ADAM10: variants seen among roughly 807,000 people sequenced by gnomAD.
The protein encoded by ADAM10 is ADAM metallopeptidase domain 10.
ADAM10 carries 17 observed loss-of-function variants against 90.1 expected under a neutral mutation model. The observed-to-expected ratio is 0.19, with a 90% CI of 0.13 to 0.28. The LOEUF (loss-of-function observed/expected upper bound fraction) is 0.28, where lower values mean the gene tolerates loss of function less well. Among genes scored for constraint, ADAM10 ranks in the 10% least tolerant of loss-of-function variants. The pLI is 1.00. For synonymous variants in ADAM10, 310 were observed against 298.6 expected, an observed-to-expected ratio of 1.04 and a Z score of -0.40; for missense variants, 610 against 914.3, an observed-to-expected ratio of 0.67 and a Z score of 4.29.
intron 8 of ADAM10, among the ~76,000 whole-genome samples, chr15:58,636,573 T>C (rs1416714574): frequency 6.6e-6 from 1 of 152,046 alleles, no homozygotes; most frequent in African/African-American, 2.4e-5. Flanking sequence ...ATGAGAAGGG[T>C]GAAACGTTTT....
rs1239340265 is a variant in ADAM10, at chr15:58,588,934, T to A, written c.*8613A>T. 2.0e-5 allele frequency: 3 copies of A among 152,240 alleles called. No homozygotes were observed. The highest frequency in any genetic ancestry group is 7.2e-5 in the African/African-American group (3 of 41,462). 9.4% of individuals were successfully genotyped at this position (152,240 alleles called of 1,614,324 possible). A position where few individuals can be genotyped will look rare whatever the true frequency, so the allele number is the denominator to read the frequency against. ...CCATTTTTGCAAAACATGGTCGGTA[T>A]GTTTCATATTCTATAAATACAGTGC... On this transcript the variant is annotated 3_prime_UTR_variant, in exon 16 of 16. Transcript: ENST00000260408.
intron 7 of ADAM10, among the ~76,000 whole-genome samples, chr15:58,642,040 T>C (rs1896430170): frequency 2.0e-5 from 3 of 152,204 alleles, no homozygotes; most frequent in South Asian, 2.1e-4. Flanking sequence ...CATTTAACAC[T>C]AAAACAATTC....
intron 1 of ADAM10, among the ~76,000 whole-genome samples, chr15:58,735,737 T>C (rs1423331242): frequency 6.6e-6 from 1 of 152,134 alleles, no homozygotes; most frequent in Non-Finnish European, 1.5e-5. Flanking sequence ...ACACAGAGGG[T>C]CAACTGGTAT....
At chr15:58,684,663 T>C (rs1897538431) in intron 2 of ADAM10, among the ~76,000 whole-genome samples, 1 of 152,214 alleles carries the variant, frequency 6.6e-6, no homozygotes, top group East Asian at 1.9e-4. Context: ...GTTGTATCCT[T>C]TATAATAAAC....
chr15:58,672,557 A>G (rs558576260), intron 4 of ADAM10: 2 of 152,152 alleles, frequency 1.3e-5, no homozygotes, highest in African/African-American at 4.8e-5. Flanking sequence ...AAGTTTAGGG[A>G]TCCCAATGTA....
At chr15:58,624,312 A>G (rs985941172) in intron 10 of ADAM10, among the ~76,000 whole-genome samples, 3 of 152,076 alleles carry the variant, frequency 2.0e-5, no homozygotes, top group Non-Finnish European at 2.9e-5. Context: ...AAAAACAAAA[A>G]AAACTAGAAA....
At chr15:58,749,037 C>A (rs1899886654) in intron 1 of ADAM10, 2 of 398,972 alleles carry the variant, frequency 5.0e-6, no homozygotes, top group Admixed American at 8.8e-5. Context: ...CGGGCAGGGG[C>A]TGGGGGAGGA....
chr15:58,713,516 TAA>T (rs1481343511), intron 2 of ADAM10, among the ~76,000 whole-genome samples: 1 of 152,162 alleles, frequency 6.6e-6, no homozygotes, highest in East Asian at 1.9e-4. Context: ...TGCATGTAAA[TAA>T]AGTTATAATA....
At chr15:58,715,019 A>C (rs531320618) in intron 2 of ADAM10, among the ~76,000 whole-genome samples, 19 of 152,360 alleles carry the variant, frequency 1.2e-4, no homozygotes, top group African/African-American at 4.6e-4. Context: ...ATTCTGAGAC[A>C]GAGTGAATAT....
rs187711755 is a variant in ADAM10 at position 58,669,167 on chromosome 15, G to C, written c.485-3970C>G. Among the ~76,000 whole-genome samples the C allele has an allele frequency of 9.9e-5, 15 of 152,206 alleles. 1 individual carries two copies. On this transcript the variant is annotated intron_variant, in intron 4 of 15. Transcript: ENST00000260408. The stretch of plus-strand genomic sequence containing the variant: ...AATGACATAGAACATGCACTCTCAA[G>C]AGCTGTCAGTCTAGCTGAGGTGTCT...
intron 11 of ADAM10, among the ~76,000 whole-genome samples, chr15:58,614,645 T>C (rs1289708984): frequency 6.6e-6 from 1 of 151,978 alleles, no homozygotes; most frequent in African/African-American, 2.4e-5. Context: ...CCAGCAAAAC[T>C]AACCTTCAGA....
At chr15:58,674,298 T>G (rs1897264936) in intron 4 of ADAM10, among the ~76,000 whole-genome samples, 1 of 152,182 alleles carries the variant, frequency 6.6e-6, no homozygotes, top group South Asian at 2.1e-4. Flanking sequence ...GTATCTAACA[T>G]CAATGCTTAG....
intron 14 of ADAM10, among the ~76,000 whole-genome samples, chr15:58,600,287 C>T (rs1421523486): frequency 6.6e-6 from 1 of 152,100 alleles, no homozygotes; most frequent in East Asian, 1.9e-4. Context: ...CTTTCCATGG[C>T]TTAGAAAGCA....
chr15:58,743,217 A>T (rs906242325), intron 1 of ADAM10, among the ~76,000 whole-genome samples: 4 of 152,152 alleles, frequency 2.6e-5, no homozygotes, highest in South Asian at 2.1e-4. Context: ...GGGGGTTCAG[A>T]TTTGAAATCA....
At chr15:58,732,737 AT>A (rs1387837595) in intron 1 of ADAM10, 2 of 153,372 alleles carry the variant, frequency 1.3e-5, no homozygotes, top group Non-Finnish European at 2.9e-5. Flanking sequence ...AGTGAGCTTA[AT>A]GTGATAAATC....
chr15:58,727,071 A>T (rs970903034), intron 1 of ADAM10, among the ~76,000 whole-genome samples: 3 of 150,820 alleles, frequency 2.0e-5, no homozygotes, highest in Non-Finnish European at 2.9e-5. Flanking sequence ...TGGTGACGTG[A>T]TCATAGCTCA....
intron 1 of ADAM10, among the ~76,000 whole-genome samples, chr15:58,731,089 T>C (rs1899220713): frequency 6.6e-6 from 1 of 152,160 alleles, no homozygotes; most frequent in Non-Finnish European, 1.5e-5. Context: ...GTATATCCTA[T>C]TGGTTCTGTC....
chr15:58,665,882 ATCAT>A (rs1298910992), intron 4 of ADAM10, among the ~76,000 whole-genome samples: 12 of 151,804 alleles, frequency 7.9e-5, no homozygotes, highest in African/African-American at 2.9e-4. Context: ...GACATCATTC[ATCAT>A]TCATTCATCA....
chr15:58,729,995 C>CAAAAA, intron 1 of ADAM10, among the ~76,000 whole-genome samples: 1 of 118,404 alleles, frequency 8.4e-6, no homozygotes, highest in Admixed American at 9.1e-5. Flanking sequence ...ACAAAACAAA[C>CAAAAA]AAACAAACAA....
Sources: gnomAD v4.1 joint callset for allele counts (sites outside exome capture counted in the v4.1 genomes callset) on GRCh38, gnomAD v4.1.1 for gene constraint, MANE v1.5 for transcripts, NCBI Gene and HGNC (gene_info 2026-07-23, HGNC 2026-07-21) for gene names.